The following NCKAP5 variants were observed in gnomAD, a reference collection of about 807,000 sequenced individuals.
NCKAP5 encodes the protein NCK associated protein 5.
A neutral mutation model predicts 167.0 loss-of-function variants in NCKAP5; 92 were observed. The observed-to-expected ratio is 0.55, with a 90% CI of 0.47 to 0.66. NCKAP5 has a LOEUF of 0.66. Ranked by LOEUF, NCKAP5 falls within the 30% of genes least tolerant of loss-of-function variation. The pLI, the probability that NCKAP5 is intolerant of heterozygous loss-of-function variation, is 0.00. For missense variants in NCKAP5, 2,378 were observed against 2,315.0 expected, an observed-to-expected ratio of 1.03 and a Z score of -0.56; for synonymous variants, 891 against 877.4, an observed-to-expected ratio of 1.02 and a Z score of -0.27.
At chr2:132,843,749 T>A (rs1332539266) in intron 11 of NCKAP5, among the ~76,000 whole-genome samples, 1 of 152,162 alleles carries the variant, frequency 6.6e-6, no homozygotes, top group Non-Finnish European at 1.5e-5. Flanking sequence ...AGATCTCTTA[T>A]TTTATATTGT....
chr2:133,183,914 A>G (rs997473579), intron 5 of NCKAP5, among the ~76,000 whole-genome samples: 28 of 152,160 alleles, frequency 1.8e-4, no homozygotes, highest in Admixed American at 5.2e-4. Flanking sequence ...CTGTATTTCT[A>G]TATATTATCA....
intron 7 of NCKAP5, among the ~76,000 whole-genome samples, chr2:132,982,854 T>C (rs2077181750): frequency 6.6e-6 from 1 of 152,246 alleles, no homozygotes; most frequent in Admixed American, 6.5e-5. Context: ...TTTCTTTCTT[T>C]TTTATGGCTG....
chr2:133,470,197 T>C (rs1266714193), intron 3 of NCKAP5, among the ~76,000 whole-genome samples: 7 of 152,194 alleles, frequency 4.6e-5, no homozygotes, highest in African/African-American at 1.7e-4. Flanking sequence ...TCGATGTGGA[T>C]GTCCTTTCTG....
At chr2:133,654,225 T>C in the NCKAP5 span, among the ~76,000 whole-genome samples, 1 of 151,826 alleles carries the variant, frequency 6.6e-6, no homozygotes, top group Non-Finnish European at 1.5e-5. Flanking sequence ...CTACTAAAAA[T>C]ATAAAATTAT....
intron 19 of NCKAP5, among the ~76,000 whole-genome samples, chr2:132,675,789 A>C (rs1361073443): frequency 6.6e-6 from 1 of 151,740 alleles, no homozygotes; most frequent in Non-Finnish European, 1.5e-5. Flanking sequence ...AATTATAACA[A>C]AGACCTACAC....
intron 5 of NCKAP5, among the ~76,000 whole-genome samples, chr2:133,179,212 C>A (rs1378168305): frequency 6.6e-6 from 1 of 151,102 alleles, no homozygotes. Flanking sequence ...AGGCTTGGAA[C>A]CAGAATTGTT....
intron 9 of NCKAP5, among the ~76,000 whole-genome samples, chr2:132,876,672 T>C (rs931585788): frequency 6.6e-6 from 1 of 152,198 alleles, no homozygotes; most frequent in African/African-American, 2.4e-5. Context: ...ATACAAAATA[T>C]GTGTATTGCT....
intron 11 of NCKAP5, among the ~76,000 whole-genome samples, chr2:132,856,626 T>A (rs1342525165): frequency 6.6e-6 from 1 of 152,140 alleles, no homozygotes; most frequent in East Asian, 1.9e-4. Flanking sequence ...TAATGTCCCA[T>A]CAGGATAATG....
intron 16 of NCKAP5, among the ~76,000 whole-genome samples, chr2:132,740,387 T>C (rs1027594451): frequency 2.0e-5 from 3 of 152,146 alleles, no homozygotes. Flanking sequence ...AAACTTAAAC[T>C]ACAGATGGGA....
chr2:133,079,857 T>C (rs943177162), intron 6 of NCKAP5, among the ~76,000 whole-genome samples: 2 of 152,174 alleles, frequency 1.3e-5, no homozygotes, highest in African/African-American at 4.8e-5. Flanking sequence ...TAAGTTTTAA[T>C]GGTTGTAGAA....
At position 133,045,574 on chromosome 2, in the gene NCKAP5, C is replaced by A. The variant is rs531604608; in HGVS notation, c.342-51335G>T. Among the ~76,000 whole-genome samples, 30 of 152,188 alleles carry A rather than the reference C, an allele frequency of 2.0e-4. No individual in the cohort carries two copies. In the South Asian group the frequency reaches 6.0e-3, roughly 31 times the overall value. Reference sequence around the variant, plus strand: ...AGTCTTCTTTTATTTATAGGGGATGCATTCCAAGGTGCCCAGGGGATGCCT... The same window carrying A: ...AGTCTTCTTTTATTTATAGGGGATGAATTCCAAGGTGCCCAGGGGATGCCT... On this transcript the variant is annotated intron_variant, in intron 6 of 19. Transcript: ENST00000409261.
intron 6 of NCKAP5, among the ~76,000 whole-genome samples, chr2:133,036,098 T>C (rs1171627838): frequency 6.6e-6 from 1 of 151,750 alleles, no homozygotes; most frequent in Admixed American, 6.6e-5. Context: ...AATTCCTAGA[T>C]ACATAGAACC....
intron 9 of NCKAP5, among the ~76,000 whole-genome samples, chr2:132,871,822 G>C (rs2320158): frequency 0.24 from 35,923 of 152,072 alleles, 4,533 homozygotes; most frequent in East Asian, 0.39. Context: ...GCAGATTATA[G>C]ACATGCTTTC....
chr2:133,082,625 G>A (rs898205235), intron 6 of NCKAP5, among the ~76,000 whole-genome samples: 2 of 152,142 alleles, frequency 1.3e-5, no homozygotes, highest in Admixed American at 1.3e-4. Context: ...TTGTATCCCT[G>A]GAGGAACAGT....
At chr2:133,210,173 A>AATAAT (rs60915406) in intron 5 of NCKAP5, among the ~76,000 whole-genome samples, 406 of 145,076 alleles carry the variant, frequency 2.8e-3, no homozygotes, top group African/African-American at 8.3e-3. Context: ...CTCAAAAATA[A>AATAAT]ATAATATAAT....
intron 3 of NCKAP5, among the ~76,000 whole-genome samples, chr2:133,341,839 A>AT (rs1683609221): frequency 6.6e-6 from 1 of 152,146 alleles, no homozygotes; most frequent in African/African-American, 2.4e-5. Context: ...TTAAATTGCC[A>AT]TTTTTTGCCA....
chr2:133,645,837 A>C, the NCKAP5 span, among the ~76,000 whole-genome samples: 44 of 152,218 alleles, frequency 2.9e-4, no homozygotes, highest in African/African-American at 1.0e-3. Context: ...AAAATAAAAT[A>C]TTAGAAATGC....
chr2:133,184,127 C>T (rs1374667677), intron 5 of NCKAP5, among the ~76,000 whole-genome samples: 2 of 152,004 alleles, frequency 1.3e-5, no homozygotes, highest in Non-Finnish European at 2.9e-5. Flanking sequence ...TTCCTCCCTG[C>T]TCTAGTAGTC....
intron 3 of NCKAP5, among the ~76,000 whole-genome samples, chr2:133,435,924 C>T (rs1374199868): frequency 2.6e-5 from 4 of 152,130 alleles, no homozygotes; most frequent in Admixed American, 6.5e-5. Context: ...TCACATTCTA[C>T]GCGATCAAAA....
Sources: gnomAD v4.1 joint callset for allele counts (sites outside exome capture counted in the v4.1 genomes callset) on GRCh38, gnomAD v4.1.1 for gene constraint, MANE v1.5 for transcripts, NCBI Gene and HGNC (gene_info 2026-07-23, HGNC 2026-07-21) for gene names.